Variants in KIFAP3 observed in about 807,000 individuals in gnomAD.
KIFAP3 encodes kinesin associated protein 3, also known as kinesin-associated protein 3.
KIFAP3 carries 68 observed loss-of-function variants against 106.5 expected under a neutral mutation model. The observed-to-expected ratio is 0.64, with a 90% CI of 0.53 to 0.78. The LOEUF (loss-of-function observed/expected upper bound fraction) is 0.78, where lower values mean the gene tolerates loss of function less well. Ranked by LOEUF, KIFAP3 falls within the 30% of genes least tolerant of loss-of-function variation. The pLI is 0.00. For missense variants in KIFAP3, 780 were observed against 941.8 expected, an observed-to-expected ratio of 0.83 and a Z score of 2.25; for synonymous variants, 320 against 311.5, an observed-to-expected ratio of 1.03 and a Z score of -0.29.
chr1:170,018,461 T>C (rs1334186986), intron 9 of KIFAP3, among the ~76,000 whole-genome samples: 1 of 152,054 alleles, frequency 6.6e-6, no homozygotes, highest in African/African-American at 2.4e-5. Context: ...AAAACTTTGG[T>C]TGTAAAAACA....
At chr1:169,999,025 A>C (rs1050750594) in intron 10 of KIFAP3, among the ~76,000 whole-genome samples, 1 of 152,116 alleles carries the variant, frequency 6.6e-6, no homozygotes, top group Non-Finnish European at 1.5e-5. Flanking sequence ...GAAAGTAAAG[A>C]CTCTTTGGCA....
chr1:170,066,178 C>A (rs1044612915), intron 1 of KIFAP3, among the ~76,000 whole-genome samples: 2 of 83,338 alleles, frequency 2.4e-5, no homozygotes, highest in African/African-American at 3.9e-5. Context: ...TGCCTACACC[C>A]CCCCCCCCAT....
chr1:170,044,700 T>C (rs1670153737), intron 3 of KIFAP3, among the ~76,000 whole-genome samples: 1 of 152,140 alleles, frequency 6.6e-6, no homozygotes, highest in Admixed American at 6.5e-5. Flanking sequence ...GAGACACTCA[T>C]GAGCAGGGAG....
chr1:170,074,670 C>T lies in KIFAP3; in HGVS notation c.-203G>A, dbSNP rs185088166. The T allele has an allele frequency of 9.1e-6, 13 of 1,428,548 alleles. No individual in the cohort carries two copies. In the East Asian group the frequency reaches 3.3e-4, roughly 37 times the overall value. 88.5% of individuals were successfully genotyped at this position (1,428,548 alleles called of 1,614,324 possible). Reference sequence around the variant, plus strand: ...GCTTCTGTGCCCCAAAACACTGGAGCGGCCCAGACCCGCCCAGAGTCGCCT... The same window carrying T: ...GCTTCTGTGCCCCAAAACACTGGAGTGGCCCAGACCCGCCCAGAGTCGCCT... On this transcript the variant is annotated 5_prime_UTR_variant, in exon 1 of 20. Coordinates refer to ENST00000361580, the MANE Select transcript of KIFAP3 (RefSeq NM_014970.4).
Position 170,032,145 on chromosome 1 carries a change from G to C in KIFAP3, c.743-161C>G. On this transcript the variant is annotated intron_variant, in intron 7 of 19. Coordinates refer to ENST00000361580, the MANE Select transcript of KIFAP3 (RefSeq NM_014970.4). ...ATGTTATCTGCATAATAACTGTGCT[G>C]TAACAGCACTTCTTATTTAAGTGCT... 4 of 513,684 alleles carry C rather than the reference G, an allele frequency of 7.8e-6. No homozygotes were observed. In the East Asian group the frequency reaches 9.0e-5, roughly 12 times the overall value. 31.8% of individuals were successfully genotyped at this position (513,684 alleles called of 1,614,324 possible).
chr1:169,979,492 C>A (rs1319839107), intron 15 of KIFAP3, among the ~76,000 whole-genome samples: 1 of 151,978 alleles, frequency 6.6e-6, no homozygotes, highest in Non-Finnish European at 1.5e-5. Context: ...CTTAAATAGG[C>A]ACATCTTTTT....
At chr1:170,014,277 A>C (rs1395334822) in intron 10 of KIFAP3, among the ~76,000 whole-genome samples, 1 of 152,236 alleles carries the variant, frequency 6.6e-6, no homozygotes, top group Non-Finnish European at 1.5e-5. Context: ...ACTTCTTAGC[A>C]ATGCTTTAAA....
intron 17 of KIFAP3, among the ~76,000 whole-genome samples, chr1:169,965,571 C>A (rs548485588): frequency 6.6e-6 from 1 of 151,914 alleles, no homozygotes; most frequent in East Asian, 1.9e-4. Flanking sequence ...TAATGCTTTG[C>A]AAAAACAAAC....
upstream of KIFAP3, among the ~76,000 whole-genome samples, chr1:170,076,316 T>G (rs1671909864): frequency 6.6e-6 from 1 of 152,128 alleles, no homozygotes; most frequent in African/African-American, 2.4e-5. Context: ...AAACTGGGAC[T>G]GAACTAGATA....
intron 1 of KIFAP3, among the ~76,000 whole-genome samples, chr1:170,065,910 T>C (rs1671420275): frequency 1.3e-5 from 2 of 152,246 alleles, no homozygotes; most frequent in South Asian, 4.2e-4. Context: ...GATCATTTAA[T>C]GCAATGACTG....
chr1:170,005,464 C>G (rs962468623), intron 10 of KIFAP3, among the ~76,000 whole-genome samples: 1 of 151,896 alleles, frequency 6.6e-6, no homozygotes, highest in Non-Finnish European at 1.5e-5. Context: ...ACCCAGATGT[C>G]CAACAATGAT....
intron 9 of KIFAP3, among the ~76,000 whole-genome samples, chr1:170,020,573 G>A (rs747560995): frequency 6.6e-6 from 1 of 151,952 alleles, no homozygotes; most frequent in Non-Finnish European, 1.5e-5. Flanking sequence ...TCAGCCTCCC[G>A]AGTAGCTGGG....
chr1:169,921,428 T>A lies in KIFAP3; in HGVS notation c.*248A>T. ...AGTCTAGTAGCTTTTCAGCATTCAG[T>A]TTTGTGGCTCATGGGAAATGTTACT... On this transcript the variant is annotated 3_prime_UTR_variant, in exon 20 of 20. Coordinates refer to ENST00000361580, the MANE Select transcript of KIFAP3 (RefSeq NM_014970.4). 3.2e-6 allele frequency: 1 copy of A among 315,086 alleles called. No individual in the cohort carries two copies. Among genetic ancestry groups the A allele is most frequent in the Non-Finnish European group, 5.9e-6 (1 of 169,672 alleles). 19.5% of individuals were successfully genotyped at this position (315,086 alleles called of 1,614,324 possible). A position where few individuals can be genotyped will look rare whatever the true frequency, so the allele number is the denominator to read the frequency against.
Position 169,945,154 on chromosome 1 carries a change from G to T in KIFAP3, c.2273+8857C>A, listed in dbSNP as rs549082103. On this transcript the variant is annotated intron_variant, in intron 19 of 19. Transcript: ENST00000361580. ...GCTGAGGCAGTGGGGGGCGGGGGGGGGCTGGTGTGTCAGTACCGCCCCAAG... is the reference window on the plus strand; with the variant it reads ...GCTGAGGCAGTGGGGGGCGGGGGGGTGCTGGTGTGTCAGTACCGCCCCAAG... Among the ~76,000 whole-genome samples the T allele has an allele frequency of 2.6e-5, 4 of 152,138 alleles. No individual in the cohort carries two copies. In the South Asian group the frequency reaches 8.3e-4, roughly 31 times the overall value.
Position 169,992,199 on chromosome 1 carries a change from C to T in KIFAP3, c.1240G>A (p.Asp414Asn). 1 of 1,585,028 alleles carries T rather than the reference C, an allele frequency of 6.3e-7. No individual in the cohort carries two copies. The highest frequency in any genetic ancestry group is 8.6e-7 in the Non-Finnish European group (1 of 1,166,928). ...TATGCAAACATTGATTTAAAGCGGT[C>T]ATCCATGCTTATGTGGTAAAGAACA... ...MCVLYHISMDDRFKSMFAYTD... is the reference protein window; with the variant it reads ...MCVLYHISMDNRFKSMFAYTD... Residue 414 changes from aspartate (D) to asparagine (N), a missense_variant, in exon 11 of 20, where the codon GAC becomes AAC. Physicochemically the swap from Asp to Asn is conservative, Grantham distance 23 (BLOSUM62 1). Around this residue, in one of 3 missense-constraint regions of KIFAP3, gnomAD observed 588 missense variants for 678.9 expected, o/e 0.87. Coordinates refer to ENST00000361580, the MANE Select transcript of KIFAP3 (RefSeq NM_014970.4).
intron 17 of KIFAP3, among the ~76,000 whole-genome samples, chr1:169,964,480 C>A (rs1180632290): frequency 6.6e-6 from 1 of 152,120 alleles, no homozygotes; most frequent in African/African-American, 2.4e-5. Context: ...AAATAACCCC[C>A]AGGGACAACT....
At chr1:169,978,319 T>A in intron 15 of KIFAP3, 136 bp from the exon 16 acceptor site, 1 of 579,562 alleles carries the variant, frequency 1.7e-6, no homozygotes, top group Non-Finnish European at 3.0e-6. Context: ...ATTTAACTTC[T>A]ATGTTCCTAA....
chr1:169,989,965 G>C (rs1326465462), intron 11 of KIFAP3: 7 of 1,270,908 alleles, frequency 5.5e-6, no homozygotes. Flanking sequence ...GAATTATGTA[G>C]TAGGAGTCAA....
chr1:170,058,900 T>C (rs1276866418), intron 1 of KIFAP3, among the ~76,000 whole-genome samples: 1 of 151,742 alleles, frequency 6.6e-6, no homozygotes, highest in Non-Finnish European at 1.5e-5. Flanking sequence ...CGTCTCAGGT[T>C]AACTGCTCCT....
Sources: gnomAD v4.1 joint callset for allele counts (sites outside exome capture counted in the v4.1 genomes callset) on GRCh38, gnomAD v4.1.1 for gene constraint, gnomAD v4.1.1 regional missense constraint, MANE v1.5 for transcripts, NCBI Gene and HGNC (gene_info 2026-07-23, HGNC 2026-07-21) for gene names.